CNTNAP2: variants seen among roughly 807,000 people sequenced by gnomAD.
The protein encoded by CNTNAP2 is contactin associated protein 2, also known as contactin-associated protein-like 2.
CNTNAP2 carries 98 observed loss-of-function variants against 155.2 expected under a neutral mutation model. The ratio of observed to expected loss-of-function variants is 0.63; its 90% CI spans 0.54 to 0.75. The LOEUF (loss-of-function observed/expected upper bound fraction) is 0.75. Among genes scored for constraint, CNTNAP2 ranks in the 30% least tolerant of loss-of-function variants. The probability of loss-of-function intolerance (pLI) is 0.00; values close to 1 mark genes in which losing one functional copy is unlikely to be tolerated. For missense variants in CNTNAP2, 1,727 were observed against 1,688.1 expected (o/e 1.02, Z -0.40); for synonymous variants, 651 against 631.2 (o/e 1.03, Z -0.47).
chr7:147,087,659 G>A (rs1800308417), intron 4 of CNTNAP2, among the ~76,000 whole-genome samples: 1 of 152,084 alleles, frequency 6.6e-6, no homozygotes, highest in Non-Finnish European at 1.5e-5. Flanking sequence ...TCCTAACAAT[G>A]GTTGCTTCTA....
rs79536197 is a variant in CNTNAP2 at position 147,251,752 on chromosome 7, A to G, written c.1349-48389A>G. Among the ~76,000 whole-genome samples the G allele has an allele frequency of 5.4e-3, 820 of 152,314 alleles. 15 individuals carry two copies. Among genetic ancestry groups the G allele is most frequent in the African/African-American group, 0.019 (780 of 41,562 alleles). ...AGGCAAGCAACTGACCAACTAGCAAACAAATAAAATGAACCTACTGTGAAC... is the reference window on the plus strand; with the variant it reads ...AGGCAAGCAACTGACCAACTAGCAAGCAAATAAAATGAACCTACTGTGAAC... On this transcript the variant is annotated intron_variant, in intron 8 of 23. Transcript: ENST00000361727.
chr7:146,238,576 T>C (rs1300113853), intron 1 of CNTNAP2, among the ~76,000 whole-genome samples: 2 of 152,192 alleles, frequency 1.3e-5, no homozygotes, highest in Non-Finnish European at 2.9e-5. Flanking sequence ...ATTAATATTT[T>C]CTTTTATGAG....
Position 146,840,439 on chromosome 7 carries a change from TA to T in CNTNAP2, c.402+540del, listed in dbSNP as rs541804269. Among the ~76,000 whole-genome samples the T allele has an allele frequency of 6.2e-4, 94 of 152,280 alleles. 1 individual carries two copies. The highest frequency in any genetic ancestry group is 1.2e-3 in the South Asian group (6 of 4,828). Reference sequence around the variant, plus strand: ...TGTTCTTAAAATGTCTCTATTAACTTAAAAAGTTGTATATATTCAATCAAAT... The same window carrying T: ...TGTTCTTAAAATGTCTCTATTAACTTAAAAGTTGTATATATTCAATCAAAT... On this transcript the variant is annotated intron_variant, in intron 3 of 23. Coordinates refer to ENST00000361727, the MANE Select transcript of CNTNAP2 (RefSeq NM_014141.6).
At chr7:147,385,965 TG>T (rs1159289263) in intron 9 of CNTNAP2, among the ~76,000 whole-genome samples, 1 of 152,240 alleles carries the variant, frequency 6.6e-6, no homozygotes, top group African/African-American at 2.4e-5. Context: ...GAAATCCAGG[TG>T]GAGGTTCCCA....
At chr7:146,859,289 A>G (rs997977478) in intron 3 of CNTNAP2, among the ~76,000 whole-genome samples, 1 of 152,212 alleles carries the variant, frequency 6.6e-6, no homozygotes, top group East Asian at 1.9e-4. Context: ...GAACACCAGT[A>G]ACAGTATTAT....
chr7:146,826,244 G>T (rs949401873), intron 2 of CNTNAP2, among the ~76,000 whole-genome samples: 1 of 152,088 alleles, frequency 6.6e-6, no homozygotes, highest in African/African-American at 2.4e-5. Flanking sequence ...GAATGAAACA[G>T]TAATAAATAA....
intron 1 of CNTNAP2, among the ~76,000 whole-genome samples, chr7:146,560,613 C>T (rs1179947477): frequency 1.3e-5 from 2 of 152,006 alleles, no homozygotes; most frequent in African/African-American, 4.8e-5. Context: ...CAGAATCCTG[C>T]CATATTAGAG....
chr7:146,484,317 G>A (rs1797023627), intron 1 of CNTNAP2, among the ~76,000 whole-genome samples: 1 of 152,122 alleles, frequency 6.6e-6, no homozygotes, highest in Non-Finnish European at 1.5e-5. Context: ...CATGACCGCA[G>A]TCATGCCCAC....
chr7:148,100,971 T>C (rs1174911194), intron 15 of CNTNAP2, among the ~76,000 whole-genome samples: 1 of 152,024 alleles, frequency 6.6e-6, no homozygotes, highest in Non-Finnish European at 1.5e-5. Flanking sequence ...AGAGTTCATG[T>C]CCTTTGTAGG....
At chr7:146,281,697 A>C (rs1584845944) in intron 1 of CNTNAP2, among the ~76,000 whole-genome samples, 1 of 151,956 alleles carries the variant, frequency 6.6e-6, no homozygotes, top group Non-Finnish European at 1.5e-5. Flanking sequence ...CGGGAGACTG[A>C]GGCAGGAGAG....
At chr7:146,723,925 A>T (rs1801382744) in intron 1 of CNTNAP2, among the ~76,000 whole-genome samples, 1 of 152,128 alleles carries the variant, frequency 6.6e-6, no homozygotes, top group Admixed American at 6.5e-5. Context: ...CGCTGAATTT[A>T]ATTTATTGAG....
chr7:146,949,563 T>C (rs2129227537), intron 3 of CNTNAP2, among the ~76,000 whole-genome samples: 1 of 152,320 alleles, frequency 6.6e-6, no homozygotes, highest in South Asian at 2.1e-4. Flanking sequence ...GAGGTTCTAG[T>C]GGAAGTGGGG....
At chr7:147,338,670 A>G (rs1360046736) in intron 9 of CNTNAP2, among the ~76,000 whole-genome samples, 1 of 152,150 alleles carries the variant, frequency 6.6e-6, no homozygotes, top group Middle Eastern at 3.2e-3. Context: ...AAAACATTTT[A>G]GGAGACTTTT....
At chr7:147,743,284 A>T (rs1796981759) in intron 13 of CNTNAP2, among the ~76,000 whole-genome samples, 1 of 152,156 alleles carries the variant, frequency 6.6e-6, no homozygotes, top group East Asian at 1.9e-4. Flanking sequence ...CCAAATAGCA[A>T]ATGGTAGCTG....
intron 1 of CNTNAP2, among the ~76,000 whole-genome samples, chr7:146,579,301 T>A (rs1476154015): frequency 6.6e-6 from 1 of 152,116 alleles, no homozygotes; most frequent in Non-Finnish European, 1.5e-5. Flanking sequence ...CTGAGCTCTA[T>A]AGAGGAAAGA....
chr7:148,093,974 T>A (rs1403736974), intron 15 of CNTNAP2, among the ~76,000 whole-genome samples: 1 of 152,130 alleles, frequency 6.6e-6, no homozygotes, highest in Non-Finnish European at 1.5e-5. Context: ...CCCAGGCTGG[T>A]CTCAAACTCC....
intron 21 of CNTNAP2, among the ~76,000 whole-genome samples, chr7:148,288,028 G>C (rs1485642968): frequency 6.6e-6 from 1 of 151,504 alleles, no homozygotes; most frequent in Non-Finnish European, 1.5e-5. Flanking sequence ...TTGACTTCGT[G>C]ATCGGCCCGC....
chr7:147,428,590 G>A (rs1797418028), intron 10 of CNTNAP2, among the ~76,000 whole-genome samples: 1 of 152,070 alleles, frequency 6.6e-6, no homozygotes. Flanking sequence ...TTGTTCTACG[G>A]AAGTTACCAC....
intron 3 of CNTNAP2, among the ~76,000 whole-genome samples, chr7:146,941,690 TCCCTCA>T (rs1797060580): frequency 6.6e-6 from 1 of 152,144 alleles, no homozygotes; most frequent in Non-Finnish European, 1.5e-5. Flanking sequence ...GGTGATGAGC[TCCCTCA>T]GCTTTGTTTG....
Sources: gnomAD v4.1 joint callset for allele counts (sites outside exome capture counted in the v4.1 genomes callset) on GRCh38, gnomAD v4.1.1 for gene constraint, MANE v1.5 for transcripts, NCBI Gene and HGNC (gene_info 2026-07-23, HGNC 2026-07-21) for gene names.